TBC1D30: variants seen among roughly 807,000 people sequenced by gnomAD.
The protein encoded by TBC1D30 is TBC1 domain family, member 30.
TBC1D30 carries 31 observed loss-of-function variants against 63.2 expected under a neutral mutation model. The observed-to-expected ratio is 0.49, with a 90% CI of 0.37 to 0.66. The LOEUF is 0.66. Among genes scored for constraint, TBC1D30 ranks in the 30% least tolerant of loss-of-function variants. The pLI, the probability that TBC1D30 is intolerant of heterozygous loss-of-function variation, is 0.00. For synonymous variants in TBC1D30, 307 were observed against 361.5 expected (o/e 0.85, Z 1.71); for missense variants, 810 against 953.6 (o/e 0.85, Z 1.98).
chr12:64,850,822 T>C (rs1251054777), intron 8 of TBC1D30, among the ~76,000 whole-genome samples: 2 of 152,196 alleles, frequency 1.3e-5, no homozygotes, highest in African/African-American at 4.8e-5. Context: ...TCTTTTTCTA[T>C]TGATTGGAAT....
chr12:64,761,031 C>T (rs541174969), intron 1 of TBC1D30, among the ~76,000 whole-genome samples: 1 of 151,000 alleles, frequency 6.6e-6, no homozygotes, highest in South Asian at 2.1e-4. Context: ...TTTAAAAAAA[C>T]TGAAGTAGTT....
At chr12:64,855,479 G>A (rs1877223270) in intron 8 of TBC1D30, among the ~76,000 whole-genome samples, 1 of 151,816 alleles carries the variant, frequency 6.6e-6, no homozygotes, top group African/African-American at 2.4e-5. Context: ...CCCTTTTGAG[G>A]CTATTTGCTA....
exon 1 of TBC1D30, chr12:64,781,109 G>C (rs1307748255): frequency 4.0e-6 from 4 of 1,004,088 alleles, no homozygotes; most frequent in Non-Finnish European, 4.7e-6. Context: ...GGCGGCGGGC[G>C]GGGGCCGCGG....
intron 8 of TBC1D30, among the ~76,000 whole-genome samples, chr12:64,849,403 T>A (rs1365108930): frequency 6.6e-6 from 1 of 152,216 alleles, no homozygotes; most frequent in Non-Finnish European, 1.5e-5. Context: ...GTTTTTATGG[T>A]TTTAGGTCTT....
chr12:64,866,202 A>T (rs1878200818), intron 9 of TBC1D30, among the ~76,000 whole-genome samples: 1 of 152,202 alleles, frequency 6.6e-6, no homozygotes, highest in African/African-American at 2.4e-5. Context: ...GGCAAGATGC[A>T]GAAGAGCATA....
chr12:64,777,771 T>A (rs1232350505), upstream of TBC1D30, among the ~76,000 whole-genome samples: 2 of 152,224 alleles, frequency 1.3e-5, no homozygotes, highest in Non-Finnish European at 2.9e-5. Flanking sequence ...AAAATTCATA[T>A]GGAACCAAAA....
At chr12:64,800,039 G>T (rs762725078) in intron 2 of TBC1D30, among the ~76,000 whole-genome samples, 4 of 152,192 alleles carry the variant, frequency 2.6e-5, no homozygotes, top group African/African-American at 4.8e-5. Context: ...CCTGGAGGCG[G>T]AGGCTGCAGT....
chr12:64,843,522 C>A, intron 8 of TBC1D30, 37 bp downstream of exon 8: 1 of 1,498,294 alleles, frequency 6.7e-7, no homozygotes, highest in Non-Finnish European at 9.0e-7. Flanking sequence ...GCTCGGGGAA[C>A]CCCGGGCACG....
At chr12:64,781,693 T>C (rs535350613) in intron 1 of TBC1D30, among the ~76,000 whole-genome samples, 131 of 148,494 alleles carry the variant, frequency 8.8e-4, no homozygotes, top group Admixed American at 1.5e-3. Flanking sequence ...GTTCTTTCCT[T>C]TTTTTTTTTT....
At chr12:64,772,320 A>G (rs1426092798) in intron 1 of TBC1D30, among the ~76,000 whole-genome samples, 1 of 152,022 alleles carries the variant, frequency 6.6e-6, no homozygotes, top group Admixed American at 6.6e-5. Context: ...GAAAGCATTC[A>G]TGTTGGAAGA....
At chr12:64,853,383 TG>T (rs997841084) in intron 8 of TBC1D30, among the ~76,000 whole-genome samples, 3 of 152,204 alleles carry the variant, frequency 2.0e-5, no homozygotes, top group Non-Finnish European at 4.4e-5. Flanking sequence ...ACTGCTGTGC[TG>T]GCAGCAAGAA....
intron 1 of TBC1D30, among the ~76,000 whole-genome samples, chr12:64,775,301 T>C (rs1297475108): frequency 2.0e-5 from 3 of 152,010 alleles, no homozygotes; most frequent in Non-Finnish European, 2.9e-5. Context: ...TAAATGTAAA[T>C]GGGCTAAATG....
intron 2 of TBC1D30, among the ~76,000 whole-genome samples, chr12:64,795,483 G>A (rs773395360): frequency 2.6e-5 from 4 of 152,178 alleles, no homozygotes; most frequent in African/African-American, 4.8e-5. Flanking sequence ...AGAGAGGAAC[G>A]AGGGATCCAA....
chr12:64,862,996 GCTAAGA>G (rs1382417300), intron 8 of TBC1D30, among the ~76,000 whole-genome samples: 5 of 152,200 alleles, frequency 3.3e-5, no homozygotes, highest in Non-Finnish European at 7.3e-5. Flanking sequence ...GGTATGTGGA[GCTAAGA>G]CATGATAGTA....
exon 1 of TBC1D30, chr12:64,780,900 A>G (rs1011061349): frequency 2.9e-6 from 3 of 1,031,484 alleles, no homozygotes; most frequent in Non-Finnish European, 3.5e-6. Context: ...CTGGAGAGTC[A>G]GGAGGAAGAA....
At chr12:64,782,443 C>A (rs1370643451) in intron 1 of TBC1D30, among the ~76,000 whole-genome samples, 1 of 151,914 alleles carries the variant, frequency 6.6e-6, no homozygotes, top group Non-Finnish European at 1.5e-5. Context: ...AGGTTCCTCC[C>A]CCTGCCTGGG....
chr12:64,760,528 A>G (rs982335348), intron 1 of TBC1D30, among the ~76,000 whole-genome samples: 1 of 152,188 alleles, frequency 6.6e-6, no homozygotes, highest in Non-Finnish European at 1.5e-5. Context: ...CTCTGGCCTC[A>G]GGGACAGAGC....
chr12:64,808,181 A>T (rs1872996335), intron 2 of TBC1D30, among the ~76,000 whole-genome samples: 1 of 152,088 alleles, frequency 6.6e-6, no homozygotes, highest in African/African-American at 2.4e-5. Context: ...CTTACAATTT[A>T]TCACATTCTC....
At chr12:64,856,655 G>A (rs1877328448) in intron 8 of TBC1D30, among the ~76,000 whole-genome samples, 1 of 152,174 alleles carries the variant, frequency 6.6e-6, no homozygotes, top group Non-Finnish European at 1.5e-5. Context: ...ACTGGGCCTT[G>A]CCCAAGGCCC....
Sources: allele counts gnomAD v4.1 joint callset (sites outside exome capture counted in the v4.1 genomes callset), GRCh38; gene constraint gnomAD v4.1.1; transcripts MANE v1.5; gene names NCBI Gene and HGNC (gene_info 2026-07-23, HGNC 2026-07-21).